RBFOX1: variants seen among roughly 807,000 people sequenced by gnomAD.
RBFOX1 encodes the protein RNA binding protein fox-1 homolog 1.
RBFOX1 carries 8 observed loss-of-function variants against 57.7 expected under a neutral mutation model. That is an observed-to-expected ratio of 0.14 (90% confidence interval 0.08 to 0.25). The LOEUF (loss-of-function observed/expected upper bound fraction) is 0.25, where lower values mean the gene tolerates loss of function less well. Among genes scored for constraint, RBFOX1 ranks in the 10% least tolerant of loss-of-function variants. RBFOX1 has a pLI of 1.00. For missense variants in RBFOX1, 611 were observed against 548.5 expected (o/e 1.11, Z -1.14); for synonymous variants, 326 against 222.4 (o/e 1.47, Z -4.15).
At chr16:7,622,798 A>G (rs1376423735) in intron 10 of RBFOX1, among the ~76,000 whole-genome samples, 5 of 152,198 alleles carry the variant, frequency 3.3e-5, no homozygotes, top group Non-Finnish European at 4.4e-5. Context: ...TTTTTCTGCA[A>G]CATCTGTGCC....
At position 5,577,614 on chromosome 16, in the gene RBFOX1, A is replaced by G. The variant is rs76873920; in HGVS notation, c.259-21288A>G. 5.3e-4 allele frequency among the ~76,000 whole-genome samples: 80 copies of G among 152,302 alleles called. No individual in the cohort carries two copies. In the East Asian group the frequency reaches 0.01, roughly 19 times the overall value. On this transcript the variant is annotated intron_variant, in intron 2 of 2. Coordinates refer to the RBFOX1 transcript ENST00000585867. ...ACTATTCTGTTACTACATGTTTGCA[A>G]TCTTGAGGCCAGGTGTGGTCTCGAA...
chr16:5,342,884 T>G (rs973123228), intron 1 of RBFOX1, among the ~76,000 whole-genome samples: 1 of 151,924 alleles, frequency 6.6e-6, no homozygotes, highest in African/African-American at 2.4e-5. Flanking sequence ...CCATGCAGTT[T>G]GTGGGGTATA....
intron 2 of RBFOX1, among the ~76,000 whole-genome samples, chr16:6,574,362 G>T (rs1476964): frequency 0.33 from 49,718 of 150,928 alleles, 10,083 homozygotes; most frequent in Non-Finnish European, 0.44. Flanking sequence ...TTTCACTAGC[G>T]TGGGAATGCT....
chr16:6,474,388 C>T (rs561890840), intron 2 of RBFOX1, among the ~76,000 whole-genome samples: 17 of 152,246 alleles, frequency 1.1e-4, no homozygotes, highest in African/African-American at 3.4e-4. Context: ...GTCGCCCAAA[C>T]GGGAGCCAAA....
intron 2 of RBFOX1, among the ~76,000 whole-genome samples, chr16:6,369,381 A>G (rs781378793): frequency 6.6e-6 from 1 of 152,218 alleles, no homozygotes; most frequent in African/African-American, 2.4e-5. Context: ...ATGGAAAAAC[A>G]TTGTGAAGGA....
At chr16:5,842,692 C>T (rs1211519883) in intron 3 of RBFOX1, among the ~76,000 whole-genome samples, 1 of 152,150 alleles carries the variant, frequency 6.6e-6, no homozygotes, top group African/African-American at 2.4e-5. Context: ...AGGAAATGTA[C>T]CTCTAAGCAA....
At chr16:7,174,177 T>C (rs2081233808) in intron 4 of RBFOX1, among the ~76,000 whole-genome samples, 1 of 145,940 alleles carries the variant, frequency 6.9e-6, no homozygotes, top group Non-Finnish European at 1.5e-5. Flanking sequence ...AGTTTATCCA[T>C]GATAAACTTT....
chr16:6,944,975 G>C (rs1209253991), intron 3 of RBFOX1, among the ~76,000 whole-genome samples: 2 of 152,134 alleles, frequency 1.3e-5, no homozygotes, highest in African/African-American at 4.8e-5. Context: ...AGTACTCTTT[G>C]CTCCTCCTGG....
chr16:5,833,662 C>T (rs1245893130), intron 3 of RBFOX1, among the ~76,000 whole-genome samples: 1 of 152,054 alleles, frequency 6.6e-6, no homozygotes, highest in Non-Finnish European at 1.5e-5. Context: ...GATTTGTGAT[C>T]CGTAAATCAA....
chr16:5,374,833 A>C (rs2065945263), intron 1 of RBFOX1, among the ~76,000 whole-genome samples: 1 of 152,072 alleles, frequency 6.6e-6, no homozygotes, highest in Admixed American at 6.6e-5. Flanking sequence ...GAATTCTACC[A>C]ATAAAATGTT....
intron 3 of RBFOX1, among the ~76,000 whole-genome samples, chr16:5,851,941 G>A (rs971142370): frequency 6.6e-6 from 1 of 152,106 alleles, no homozygotes; most frequent in Non-Finnish European, 1.5e-5. Context: ...AGAGGCACCC[G>A]AATTAAAAGC....
chr16:6,083,872 CA>C (rs1254367008), intron 1 of RBFOX1, among the ~76,000 whole-genome samples: 1 of 152,246 alleles, frequency 6.6e-6, no homozygotes, highest in Non-Finnish European at 1.5e-5. Context: ...AATCTTTAAG[CA>C]GAAGAATTGG....
chr16:6,684,526 G>A (rs561753119), intron 3 of RBFOX1, among the ~76,000 whole-genome samples: 1 of 152,286 alleles, frequency 6.6e-6, no homozygotes, highest in African/African-American at 2.4e-5. Flanking sequence ...AATTGCTGCA[G>A]TGGAAACAGG....
intron 4 of RBFOX1, among the ~76,000 whole-genome samples, chr16:5,900,458 C>T (rs1412381898): frequency 1.3e-5 from 2 of 152,186 alleles, no homozygotes; most frequent in African/African-American, 4.8e-5. Context: ...AGATTTATTT[C>T]AGTAGACATG....
chr16:5,259,927 C>T (rs2062691407), intron 1 of RBFOX1, among the ~76,000 whole-genome samples: 1 of 152,118 alleles, frequency 6.6e-6, no homozygotes, highest in African/African-American at 2.4e-5. Flanking sequence ...GGAGGCTGGG[C>T]ACGGTGGCTC....
intron 3 of RBFOX1, among the ~76,000 whole-genome samples, chr16:6,886,148 G>A (rs1023423816): frequency 1.2e-4 from 18 of 148,804 alleles, no homozygotes; most frequent in Non-Finnish European, 2.5e-4. Context: ...TGCATCCTCC[G>A]CCCCCAGGGT....
At chr16:5,468,028 C>A (rs1018065414) in intron 2 of RBFOX1, among the ~76,000 whole-genome samples, 2 of 152,134 alleles carry the variant, frequency 1.3e-5, no homozygotes, top group African/African-American at 4.8e-5. Context: ...GAGGCGGAAT[C>A]TATGCTTGCT....
chr16:7,542,088 G>T (rs1241560540), intron 5 of RBFOX1, among the ~76,000 whole-genome samples: 1 of 152,180 alleles, frequency 6.6e-6, no homozygotes, highest in South Asian at 2.1e-4. Flanking sequence ...TAGAGCAGCA[G>T]TTCCCTGTTA....
intron 4 of RBFOX1, among the ~76,000 whole-genome samples, chr16:5,908,301 TAC>T (rs148623924): frequency 0.33 from 47,940 of 143,416 alleles, 8,855 homozygotes; most frequent in Middle Eastern, 0.49. Context: ...CATATATATA[TAC>T]ACACATATAT....
Sources: gnomAD v4.1 joint callset for allele counts (sites outside exome capture counted in the v4.1 genomes callset) on GRCh38, gnomAD v4.1.1 for gene constraint, MANE v1.5 for transcripts, NCBI Gene and HGNC (gene_info 2026-07-23, HGNC 2026-07-21) for gene names.